Variants in ENPEP observed in about 807,000 individuals in gnomAD.
ENPEP encodes glutamyl aminopeptidase.
A neutral mutation model predicts 114.5 loss-of-function variants in ENPEP; 103 were observed. That is an observed-to-expected ratio of 0.90 (90% confidence interval 0.77 to 1.06). The LOEUF (loss-of-function observed/expected upper bound fraction) is 1.06, where lower values mean the gene tolerates loss of function less well. ENPEP is among the 50% of genes least tolerant of loss of function. The pLI is 0.00. For missense variants in ENPEP, 1,196 were observed against 1,161.3 expected, an observed-to-expected ratio of 1.03 and a Z score of -0.43; for synonymous variants, 420 against 422.0, an observed-to-expected ratio of 1.00 and a Z score of 0.06.
chr4:110,524,118 T>C (rs966392281), intron 10 of ENPEP, among the ~76,000 whole-genome samples: 1 of 152,110 alleles, frequency 6.6e-6, no homozygotes, highest in African/African-American at 2.4e-5. Flanking sequence ...GAAGAGAAAG[T>C]AATATATATA....
At chr4:110,540,808 G>A (rs80091636) in intron 11 of ENPEP, among the ~76,000 whole-genome samples, 3,963 of 152,204 alleles carry the variant, frequency 0.026, 176 homozygotes, top group African/African-American at 0.09. Context: ...TGTTGGATAC[G>A]TAGCACATAA....
intron 1 of ENPEP, among the ~76,000 whole-genome samples, chr4:110,481,855 G>A (rs1724322716): frequency 1.3e-5 from 2 of 152,180 alleles, no homozygotes; most frequent in Non-Finnish European, 1.5e-5. Context: ...GGTGTTCTTC[G>A]TAGCGCTAGT....
chr4:110,508,407 G>GATAAA (rs1204128057), intron 4 of ENPEP, among the ~76,000 whole-genome samples: 1 of 152,112 alleles, frequency 6.6e-6, no homozygotes, highest in African/African-American at 2.4e-5. Flanking sequence ...ACTGTCTTGT[G>GATAAA]ATAAAATAAC....
chr4:110,520,174 A>G, intron 9 of ENPEP, 41 bp from the exon 10 acceptor site: 1 of 1,600,656 alleles, frequency 6.2e-7, no homozygotes, highest in Non-Finnish European at 8.5e-7. Flanking sequence ...ATTTTCTCAT[A>G]TTTGTTAATT....
At chr4:110,519,588 G>A (rs1306304449) in intron 8 of ENPEP, 2 of 177,412 alleles carry the variant, frequency 1.1e-5, no homozygotes, top group Admixed American at 5.5e-5. Context: ...GAAGACTTAT[G>A]CTTTACAGTG....
chr4:110,527,185 C>A (rs187847569), intron 10 of ENPEP, among the ~76,000 whole-genome samples: 1 of 152,240 alleles, frequency 6.6e-6, no homozygotes, highest in East Asian at 1.9e-4. Flanking sequence ...GAATGATGAA[C>A]TCTCAGAATT....
rs143749347 is a variant in ENPEP at position 110,532,739 on chromosome 4, A to G, written c.1807+1462A>G. ...GAAGCCCTTCTGCACAGGGATTGCT[A>G]TTACAACAAAACTCTCTCTTGCTTA... On this transcript the variant is annotated intron_variant, in intron 11 of 19. Transcript: ENST00000265162. Among the ~76,000 whole-genome samples, 154 of 152,290 alleles carry G rather than the reference A, an allele frequency of 1.0e-3. 6 individuals are homozygous for G. In the South Asian group the frequency reaches 0.015, roughly 15 times the overall value.
In ENPEP at chr4:110,490,551, C is replaced by G. The variant is rs147691289; in HGVS notation, c.787-482C>G. On this transcript the variant is annotated intron_variant, in intron 2 of 19. Coordinates refer to ENST00000265162, the MANE Select transcript of ENPEP (RefSeq NM_001977.4). ...AATCCTCCTCTCTGTCCATGGAGAC[C>G]GAGCCACTGACTTTGGTGACCATAC... Among the ~76,000 whole-genome samples, 446 of 152,230 alleles carry G rather than the reference C, an allele frequency of 2.9e-3. 1 individual carries two copies. Among genetic ancestry groups the G allele is most frequent in the Non-Finnish European group, 4.9e-3 (332 of 68,016 alleles).
chr4:110,488,145 G>A (rs758647268), intron 1 of ENPEP, among the ~76,000 whole-genome samples: 13 of 152,206 alleles, frequency 8.5e-5, no homozygotes, highest in Admixed American at 6.5e-5. Flanking sequence ...AAGCTTTTAA[G>A]TTTGGCTTTG....
intron 1 of ENPEP, among the ~76,000 whole-genome samples, 169 bp downstream of exon 1, chr4:110,477,227 G>T (rs138520707): frequency 3.7e-3 from 559 of 152,172 alleles, no homozygotes; most frequent in Non-Finnish European, 5.2e-3. Flanking sequence ...TTGCCCTATT[G>T]TATTTCCAAA....
intron 18 of ENPEP, among the ~76,000 whole-genome samples, chr4:110,555,085 A>T (rs904653312): frequency 7.9e-5 from 12 of 152,010 alleles, no homozygotes; most frequent in African/African-American, 2.2e-4. Flanking sequence ...TGGTAAATTG[A>T]TTATTTTTCA....
At chr4:110,516,028 G>A (rs757293308) in intron 8 of ENPEP, among the ~76,000 whole-genome samples, 5 of 152,138 alleles carry the variant, frequency 3.3e-5, no homozygotes, top group African/African-American at 7.2e-5. Flanking sequence ...CACACTGGGG[G>A]TTAGGGCTTA....
At position 110,542,189 on chromosome 4, in the gene ENPEP, G is replaced by T. The variant is rs535564751; in HGVS notation, c.1808-562G>T. 3.9e-5 allele frequency among the ~76,000 whole-genome samples: 6 copies of T among 152,238 alleles called. No individual in the cohort carries two copies. In the East Asian group the frequency reaches 1.2e-3, roughly 29 times the overall value. On this transcript the variant is annotated intron_variant, in intron 11 of 19. Transcript: ENST00000265162. The stretch of plus-strand genomic sequence containing the variant: ...CATTCAGATCTCAATTCTATTGCAG[G>T]TCTTCTTGATACAGTAACATTTTAA...
At chr4:110,478,124 T>C (rs1323811618) in intron 1 of ENPEP, among the ~76,000 whole-genome samples, 1 of 152,158 alleles carries the variant, frequency 6.6e-6, no homozygotes, top group Non-Finnish European at 1.5e-5. Context: ...CAAATATCCC[T>C]TTTTTTCTGT....
intron 10 of ENPEP, among the ~76,000 whole-genome samples, chr4:110,522,907 G>C (rs550289295): frequency 8.5e-5 from 13 of 152,158 alleles, no homozygotes; most frequent in Non-Finnish European, 1.5e-4. Context: ...GGGGTTGGAG[G>C]AGAAAGAGAA....
At chr4:110,508,120 C>G (rs1378194259) in intron 4 of ENPEP, among the ~76,000 whole-genome samples, 1 of 152,126 alleles carries the variant, frequency 6.6e-6, no homozygotes, top group East Asian at 1.9e-4. Context: ...CTTTCTCCCT[C>G]TCCCCAACTC....
chr4:110,558,032 A>ATTTTT lies in ENPEP; in HGVS notation c.2643-1604_2643-1600dup, dbSNP rs201439917. Among the ~76,000 whole-genome samples the ATTTTT allele has an allele frequency of 2.5e-4, 26 of 103,202 alleles. 1 individual carries two copies. The highest frequency in any genetic ancestry group is 1.0e-3 in the African/African-American group (24 of 23,218). 67.7% of individuals were successfully genotyped at this position (103,202 alleles called of 152,430 possible). A position where few individuals can be genotyped will look rare whatever the true frequency, so the allele number is the denominator to read the frequency against. On this transcript the variant is annotated intron_variant, in intron 18 of 19. Coordinates refer to ENST00000265162, the MANE Select transcript of ENPEP (RefSeq NM_001977.4). ...GGCTTCTAATTTTGTATATGGTAGGATTTTTTTTTTTTTTTGTATAAAACT... is the reference window on the plus strand; with the variant it reads ...GGCTTCTAATTTTGTATATGGTAGGATTTTTTTTTTTTTTTTTTTTGTATAAAACT...
intron 1 of ENPEP, among the ~76,000 whole-genome samples, chr4:110,479,224 C>T (rs1724221181): frequency 6.6e-6 from 1 of 152,138 alleles, no homozygotes; most frequent in Non-Finnish European, 1.5e-5. Flanking sequence ...TTTAAGATGT[C>T]ATTTGATGTT....
At chr4:110,495,050 A>T (rs1169037464) in intron 3 of ENPEP, among the ~76,000 whole-genome samples, 1 of 151,564 alleles carries the variant, frequency 6.6e-6, no homozygotes, top group African/African-American at 2.4e-5. Flanking sequence ...GTTATTGTTT[A>T]AAAAAAATGT....
Sources: allele counts gnomAD v4.1 joint callset (sites outside exome capture counted in the v4.1 genomes callset), GRCh38; gene constraint gnomAD v4.1.1; transcripts MANE v1.5; gene names NCBI Gene and HGNC (gene_info 2026-07-23, HGNC 2026-07-21).